Variants in EMSY observed in about 807,000 individuals in gnomAD.
EMSY encodes the protein BRCA2-interacting transcriptional repressor EMSY.
EMSY carries 26 observed loss-of-function variants against 134.6 expected under a neutral mutation model. That is an observed-to-expected ratio of 0.19 (90% CI 0.14 to 0.27). The LOEUF is 0.27. Ranked by LOEUF, EMSY falls within the 10% of genes least tolerant of loss-of-function variation. The pLI is 1.00. For missense variants in EMSY, 1,305 were observed against 1,611.4 expected, an observed-to-expected ratio of 0.81 and a Z score of 3.26; for synonymous variants, 579 against 577.8, an observed-to-expected ratio of 1.00 and a Z score of -0.03.
chr11:76,502,901 C>G (rs916434718), intron 9 of EMSY, among the ~76,000 whole-genome samples: 1 of 152,154 alleles, frequency 6.6e-6, no homozygotes, highest in African/African-American at 2.4e-5. Context: ...ATATCAGAAT[C>G]TCAGCAGACT....
At chr11:76,450,091 A>T (rs1433553390) in intron 2 of EMSY, among the ~76,000 whole-genome samples, 1 of 146,640 alleles carries the variant, frequency 6.8e-6, no homozygotes, top group East Asian at 2.0e-4. Context: ...TGCCTGGCAC[A>T]CAATTCTCTT....
intron 9 of EMSY, among the ~76,000 whole-genome samples, chr11:76,504,615 G>A (rs561872430): frequency 6.6e-5 from 10 of 152,190 alleles, no homozygotes; most frequent in Non-Finnish European, 1.2e-4. Flanking sequence ...TGGAAAACAC[G>A]TCAGTTTATC....
chr11:76,490,839 A>G (rs920065972), intron 8 of EMSY, among the ~76,000 whole-genome samples: 12 of 152,010 alleles, frequency 7.9e-5, no homozygotes, highest in Non-Finnish European at 1.5e-4. Context: ...GGTTCTGGAT[A>G]TGTTCATTGC....
chr11:76,550,332 A>G (rs1951800064), exon 21 of EMSY: 4 of 410,048 alleles, frequency 9.8e-6, no homozygotes, highest in Non-Finnish European at 1.7e-5. Context: ...TCACAGGGGA[A>G]TGTACTTTTT....
At position 76,498,985 on chromosome 11, in the gene EMSY, G is replaced by A. The variant is rs572273870; in HGVS notation, c.1363+2516G>A. Among the ~76,000 whole-genome samples, 129 of 152,116 alleles carry A rather than the reference G, an allele frequency of 8.5e-4. 4 individuals carry two copies. The highest frequency in any genetic ancestry group is 5.4e-3 in the South Asian group (26 of 4,822). ...AATAACTTGTTTTTGTTTTTGAGAC[G>A]GAGTCTCGCTTTGTCACCCAGGCTG... On this transcript the variant is annotated intron_variant, in intron 9 of 20. Transcript: ENST00000334736.
At chr11:76,497,907 TTA>T (rs1380830890) in intron 9 of EMSY, among the ~76,000 whole-genome samples, 2 of 152,146 alleles carry the variant, frequency 1.3e-5, no homozygotes, top group Non-Finnish European at 2.9e-5. Flanking sequence ...GGAACTTAGA[TTA>T]TTGATTCAAG....
At chr11:76,541,270 T>C (rs1378828361) in intron 17 of EMSY, among the ~76,000 whole-genome samples, 3 of 152,116 alleles carry the variant, frequency 2.0e-5, no homozygotes, top group South Asian at 2.1e-4. Flanking sequence ...CTGGTAAAAT[T>C]TGATAGATTG....
At chr11:76,546,145 A>G (rs533642899) in exon 20 of EMSY, 4 of 1,614,202 alleles carry the variant, frequency 2.5e-6, no homozygotes, top group African/African-American at 2.7e-5. Flanking sequence ...ACAGAAATGT[A>G]GAGAGTCCTG....
intron 7 of EMSY, among the ~76,000 whole-genome samples, chr11:76,470,408 G>GT: frequency 6.6e-6 from 1 of 152,134 alleles, no homozygotes. Flanking sequence ...AATAGTACAC[G>GT]TATCATAGAA....
chr11:76,537,587 C>T (rs910511059), intron 15 of EMSY, among the ~76,000 whole-genome samples: 1 of 152,090 alleles, frequency 6.6e-6, no homozygotes, highest in Admixed American at 6.5e-5. Context: ...TATGTAAGTC[C>T]TTCTTACTAG....
intron 9 of EMSY, among the ~76,000 whole-genome samples, chr11:76,506,544 G>A (rs1950084108): frequency 6.6e-6 from 1 of 152,138 alleles, no homozygotes; most frequent in Non-Finnish European, 1.5e-5. Context: ...ACAGGAAAGT[G>A]GAAAATGGAT....
chr11:76,517,816 T>C (rs1400158449), intron 11 of EMSY, among the ~76,000 whole-genome samples: 1 of 152,196 alleles, frequency 6.6e-6, no homozygotes, highest in African/African-American at 2.4e-5. Flanking sequence ...CTATAGGATA[T>C]ACTTGGCATA....
At chr11:76,541,083 T>C (rs1951421607) in intron 17 of EMSY, among the ~76,000 whole-genome samples, 1 of 152,150 alleles carries the variant, frequency 6.6e-6, no homozygotes, top group Non-Finnish European at 1.5e-5. Flanking sequence ...AAAATTAGCC[T>C]GGCGTGGTGG....
chr11:76,457,526 A>G (rs1395000066), intron 4 of EMSY, among the ~76,000 whole-genome samples: 1 of 152,228 alleles, frequency 6.6e-6, no homozygotes, highest in Admixed American at 6.5e-5. Flanking sequence ...GAAGGGTGGT[A>G]TAAATAAATA....
At chr11:76,521,041 C>G (rs377410315) in intron 11 of EMSY, among the ~76,000 whole-genome samples, 1 of 152,076 alleles carries the variant, frequency 6.6e-6, no homozygotes, top group South Asian at 2.1e-4. Flanking sequence ...AATGTGGAAA[C>G]CAGCACATTA....
At position 76,513,439 on chromosome 11, in the gene EMSY, G is replaced by A. The variant is rs530019190; in HGVS notation, c.1417G>A (p.Val473Met). Residue 473 changes from valine to methionine, a missense_variant, in exon 10 of 21, where the codon GTG (valine) becomes ATG (methionine). Val to Met is a conservative substitution (Grantham distance 21, BLOSUM62 1). This residue lies in a region of EMSY where 198 missense variants were observed against 287.6 expected (regional missense o/e 0.69). Coordinates refer to ENST00000334736, the Ensembl canonical transcript of EMSY. Reference sequence around the variant, plus strand: ...ACCAAGTAAAATCTTACCCAAACCAGTGACAGCAACTCTACCCACCAGTAG... The same window carrying A: ...ACCAAGTAAAATCTTACCCAAACCAATGACAGCAACTCTACCCACCAGTAG... The A allele has an allele frequency of 1.4e-5, 23 of 1,613,752 alleles. No individual in the cohort carries two copies. In the South Asian group the frequency reaches 2.3e-4, roughly 16 times the overall value.
At chr11:76,498,796 T>C (rs1034072051) in intron 9 of EMSY, among the ~76,000 whole-genome samples, 1 of 152,230 alleles carries the variant, frequency 6.6e-6, no homozygotes, top group Non-Finnish European at 1.5e-5. Flanking sequence ...AAGTATACTT[T>C]ATCTGTAATT....
At chr11:76,492,883 G>C (rs576508494) in intron 8 of EMSY, among the ~76,000 whole-genome samples, 2 of 152,022 alleles carry the variant, frequency 1.3e-5, no homozygotes. Context: ...TTTCTGGCCC[G>C]CCTGTGGCCA....
chr11:76,505,123 T>C (rs1590921375), intron 9 of EMSY, among the ~76,000 whole-genome samples: 1 of 152,214 alleles, frequency 6.6e-6, no homozygotes, highest in Admixed American at 6.5e-5. Context: ...TAAATAACAT[T>C]ACATTGTACA....
Sources: allele counts gnomAD v4.1 joint callset (sites outside exome capture counted in the v4.1 genomes callset), GRCh38; gene constraint gnomAD v4.1.1; regional missense constraint gnomAD v4.1.1; transcripts MANE v1.5; gene names NCBI Gene and HGNC (gene_info 2026-07-23, HGNC 2026-07-21).